Variants in ADAMTS17 observed in about 807,000 individuals in gnomAD.
ADAMTS17 encodes the protein A disintegrin and metalloproteinase with thrombospondin motifs 17.
Under a neutral mutation model 141.5 loss-of-function variants are expected in ADAMTS17, and 113 were observed. The observed-to-expected ratio is 0.80, with a 90% CI of 0.69 to 0.93. The LOEUF is 0.93. ADAMTS17 is among the 40% of genes least tolerant of loss of function. The pLI, the probability that ADAMTS17 is intolerant of heterozygous loss-of-function variation, is 0.00. For missense variants in ADAMTS17, 1,659 were observed against 1,517.9 expected, an observed-to-expected ratio of 1.09 and a Z score of -1.54; for synonymous variants, 768 against 630.6, an observed-to-expected ratio of 1.22 and a Z score of -3.27.
chr15:100,005,386 G>A (rs1284550038), intron 18 of ADAMTS17, among the ~76,000 whole-genome samples: 2 of 152,252 alleles, frequency 1.3e-5, no homozygotes, highest in East Asian at 1.9e-4. Context: ...GTTCCTCCTG[G>A]AGACTCCAGG....
chr15:99,982,909 G>C (rs2060509832), intron 20 of ADAMTS17, among the ~76,000 whole-genome samples: 1 of 152,216 alleles, frequency 6.6e-6, no homozygotes, highest in Non-Finnish European at 1.5e-5. Flanking sequence ...TTCCCAGGCA[G>C]GGAGGGGGTG....
chr15:100,171,903 A>C (rs2141474545), intron 8 of ADAMTS17, among the ~76,000 whole-genome samples: 1 of 152,304 alleles, frequency 6.6e-6, no homozygotes, highest in South Asian at 2.1e-4. Context: ...TGCCTGTGTT[A>C]CTTAAGTGGC....
intron 8 of ADAMTS17, among the ~76,000 whole-genome samples, chr15:100,185,699 C>A (rs1490622122): frequency 6.6e-6 from 1 of 152,228 alleles, no homozygotes; most frequent in Non-Finnish European, 1.5e-5. Flanking sequence ...CGCAGAGATC[C>A]CTCATGCCCT....
chr15:100,287,252 C>T (rs541052232), intron 3 of ADAMTS17, among the ~76,000 whole-genome samples: 13 of 152,204 alleles, frequency 8.5e-5, no homozygotes, highest in African/African-American at 1.4e-4. Context: ...ATAATGCAAT[C>T]GCAAGTACTA....
chr15:100,292,412 CCGTTAGAGACACTCACCCCG>C (rs1188522322), intron 3 of ADAMTS17, among the ~76,000 whole-genome samples: 54 of 149,938 alleles, frequency 3.6e-4, no homozygotes, highest in African/African-American at 8.4e-4. Flanking sequence ...GACACTCACC[CCGTTAGAGACACTCACCCCG>C]TGTTAGAGAC....
chr15:100,123,080 C>A (rs963248417), intron 12 of ADAMTS17, among the ~76,000 whole-genome samples: 9 of 152,206 alleles, frequency 5.9e-5, no homozygotes, highest in Non-Finnish European at 8.8e-5. Flanking sequence ...GAGGCCCCAA[C>A]TTTCCCAAGG....
chr15:100,095,942 T>A (rs1361174079), intron 15 of ADAMTS17, among the ~76,000 whole-genome samples: 1 of 152,204 alleles, frequency 6.6e-6, no homozygotes, highest in African/African-American at 2.4e-5. Context: ...GTTTTAGAAA[T>A]GTGTTATCCT....
rs2037579449 is a variant in ADAMTS17, at chr15:100,123,870, C to T, written c.1722-6857G>A. Among the ~76,000 whole-genome samples the T allele has an allele frequency of 2.6e-5, 4 of 152,270 alleles. No individual in the cohort carries two copies. In the South Asian group the frequency reaches 8.3e-4, roughly 32 times the overall value. ...GGGCTGCCCATCAGCCACCACGAGGCCTGAAGGACAGCCTGACTCACTGAC... is the reference window on the plus strand; with the variant it reads ...GGGCTGCCCATCAGCCACCACGAGGTCTGAAGGACAGCCTGACTCACTGAC... On this transcript the variant is annotated intron_variant, in intron 12 of 21. Coordinates refer to ENST00000268070, the MANE Select transcript of ADAMTS17 (RefSeq NM_139057.4).
At chr15:100,160,280 G>A (rs556934451) in intron 8 of ADAMTS17, among the ~76,000 whole-genome samples, 25 of 152,286 alleles carry the variant, frequency 1.6e-4, no homozygotes, top group Admixed American at 3.9e-4. Context: ...GGCACAAGTC[G>A]ATGGAGGATC....
chr15:100,199,494 C>T (rs1242663785), intron 7 of ADAMTS17, 71 bp from the exon 8 acceptor site: 4 of 1,264,938 alleles, frequency 3.2e-6, no homozygotes, highest in South Asian at 1.2e-5. Context: ...CAAGTCCGCA[C>T]GGTCAACGTC....
At chr15:100,283,021 C>G (rs2044334422) in intron 3 of ADAMTS17, among the ~76,000 whole-genome samples, 1 of 151,858 alleles carries the variant, frequency 6.6e-6, no homozygotes, top group Non-Finnish European at 1.5e-5. Context: ...CTGTATTTTC[C>G]AGATTTATAT....
chr15:100,151,210 G>A (rs1321528309), intron 10 of ADAMTS17, among the ~76,000 whole-genome samples: 4 of 152,154 alleles, frequency 2.6e-5, no homozygotes, highest in Non-Finnish European at 5.9e-5. Context: ...CCTCGCAGGC[G>A]TGCTCCCCAG....
At chr15:100,142,763 C>A (rs1003913665) in intron 10 of ADAMTS17, among the ~76,000 whole-genome samples, 1 of 152,036 alleles carries the variant, frequency 6.6e-6, no homozygotes, top group African/African-American at 2.4e-5. Context: ...AGGCAATTAA[C>A]GAGAAAAGAG....
At chr15:100,277,161 T>C (rs1247066148) in intron 4 of ADAMTS17, among the ~76,000 whole-genome samples, 1 of 152,096 alleles carries the variant, frequency 6.6e-6, no homozygotes, top group Non-Finnish European at 1.5e-5. Flanking sequence ...GGATCACCCT[T>C]ATTAGGCAGG....
chr15:100,221,503 T>C (rs1397600262), intron 7 of ADAMTS17, among the ~76,000 whole-genome samples: 1 of 152,220 alleles, frequency 6.6e-6, no homozygotes, highest in East Asian at 1.9e-4. Context: ...ATAATACCTA[T>C]TGTTCTTTTG....
intron 7 of ADAMTS17, among the ~76,000 whole-genome samples, chr15:100,232,618 C>A (rs2042519685): frequency 6.6e-6 from 1 of 152,258 alleles, no homozygotes; most frequent in African/African-American, 2.4e-5. Flanking sequence ...CCACAAAGGG[C>A]TCTGGCGGTA....
chr15:100,111,930 C>T (rs758849949), intron 13 of ADAMTS17, among the ~76,000 whole-genome samples: 49 of 152,212 alleles, frequency 3.2e-4, no homozygotes, highest in Non-Finnish European at 5.9e-4. Context: ...TTTCCATCAT[C>T]GCAATTTCCT....
chr15:100,324,124 G>A (rs1291735723), intron 3 of ADAMTS17, among the ~76,000 whole-genome samples: 2 of 151,930 alleles, frequency 1.3e-5, no homozygotes, highest in African/African-American at 2.4e-5. Flanking sequence ...GGCCAACATG[G>A]CGAAACCCCA....
intron 8 of ADAMTS17, 53 bp downstream of exon 8, chr15:100,199,265 T>A: frequency 2.0e-6 from 3 of 1,493,086 alleles, no homozygotes; most frequent in Non-Finnish European, 2.8e-6. Context: ...GTGAAAAATC[T>A]GCACTCAAAA....
Sources: allele counts gnomAD v4.1 joint callset (sites outside exome capture counted in the v4.1 genomes callset), GRCh38; gene constraint gnomAD v4.1.1; transcripts MANE v1.5; gene names NCBI Gene and HGNC (gene_info 2026-07-23, HGNC 2026-07-21).